The following GPD2 variants were observed in gnomAD, a reference collection of about 807,000 sequenced individuals.
GPD2 encodes the protein glycerol-3-phosphate dehydrogenase 2.
In GPD2, 54 loss-of-function variants were observed where a neutral mutation model predicts 82.4. That is an observed-to-expected ratio of 0.66 (90% confidence interval 0.53 to 0.82). The LOEUF (loss-of-function observed/expected upper bound fraction) is 0.82, where lower values mean the gene tolerates loss of function less well. Among genes scored for constraint, GPD2 ranks in the 40% least tolerant of loss-of-function variants. The probability of loss-of-function intolerance (pLI) is 0.00; values close to 1 mark genes in which losing one functional copy is unlikely to be tolerated. For synonymous variants in GPD2, 288 were observed against 306.1 expected (o/e 0.94, Z 0.62); for missense variants, 748 against 896.2 (o/e 0.83, Z 2.11).
the GPD2 span, among the ~76,000 whole-genome samples, chr2:156,413,381 A>C: frequency 6.6e-6 from 1 of 152,002 alleles, no homozygotes; most frequent in Admixed American, 6.6e-5. Flanking sequence ...CAGGAGTTTG[A>C]GACCAGCCTG....
Position 156,549,668 on chromosome 2 carries a change from C to T in GPD2, c.722C>T (p.Ala241Val). 1 of 1,613,640 alleles carries T rather than the reference C, an allele frequency of 6.2e-7. No individual in the cohort carries two copies. Among genetic ancestry groups the T allele is most frequent in the Non-Finnish European group, 8.5e-7 (1 of 1,179,510 alleles). ...AIALTAARYGAATANYMEVVS... is the reference protein window; with the variant it reads ...AIALTAARYGVATANYMEVVS... ...GCTCTGACTGCTGCCAGGTATGGGG[C>T]TGCCACAGCCAATTACATGGAGGTA... Residue 241 changes from alanine (A) to valine (V), a missense_variant, in exon 7 of 17, where the codon GCT (alanine) becomes GTT (valine). Coordinates refer to ENST00000438166, the MANE Select transcript of GPD2 (RefSeq NM_000408.5).
Position 156,533,098 on chromosome 2 carries a change from C to T in GPD2, c.662-16510C>T, listed in dbSNP as rs1412543186. 2.0e-5 allele frequency among the ~76,000 whole-genome samples: 3 copies of T among 152,184 alleles called. No homozygotes were observed. In the East Asian group the frequency reaches 5.8e-4, roughly 29 times the overall value. ...AGTTTCCTAAGGCTGAAGGAAGCAG[C>T]AGTCACTGAGTGCAGAATGTTTCTC... On this transcript the variant is annotated intron_variant, in intron 6 of 16. Coordinates refer to ENST00000438166, the MANE Select transcript of GPD2 (RefSeq NM_000408.5).
chr2:156,557,391 C>G lies in GPD2; in HGVS notation c.974C>G (p.Pro325Arg), dbSNP rs1442754946. ...AATAATCCTTCTTTGTATCTCAGCCCAGAGAGCATGGGACTTCTTGACCCA... is the reference window on the plus strand; with the variant it reads ...AATAATCCTTCTTTGTATCTCAGCCGAGAGAGCATGGGACTTCTTGACCCA... ...VHIVMPGYYSPESMGLLDPAT... is the reference protein window; with the variant it reads ...VHIVMPGYYSRESMGLLDPAT... Residue 325 changes from proline to arginine, a missense_variant and splice_region_variant, in exon 9 of 17, where the codon CCA becomes CGA. Pro to Arg is a moderately radical substitution (Grantham distance 103). Around this residue, in one of 3 missense-constraint regions of GPD2, gnomAD observed 692 missense variants for 809.7 expected, o/e 0.85. Coordinates refer to ENST00000438166, the MANE Select transcript of GPD2 (RefSeq NM_000408.5). 1 of 1,584,866 alleles carries G rather than the reference C, an allele frequency of 6.3e-7. No homozygotes were observed. The highest frequency in any genetic ancestry group is 8.7e-7 in the Non-Finnish European group (1 of 1,153,988).
At chr2:156,474,322 T>G (rs1190877919) in intron 1 of GPD2, among the ~76,000 whole-genome samples, 2 of 152,216 alleles carry the variant, frequency 1.3e-5, no homozygotes, top group Non-Finnish European at 2.9e-5. Context: ...TAGGATAGTA[T>G]GATAATAGAT....
intron 6 of GPD2, 59 bp from the exon 7 acceptor site, chr2:156,549,549 C>T (rs1686672360): frequency 2.8e-6 from 4 of 1,433,938 alleles, no homozygotes; most frequent in Admixed American, 1.7e-5. Flanking sequence ...CACTTTTGTA[C>T]CACCAGTCTG....
chr2:156,449,647 GAGTT>G lies in GPD2; in HGVS notation c.-9+13142_-9+13145del, dbSNP rs373685401. ...CAAGTAAACAGAATATGGGAAGTGGGAGTTAGTTAGTCTGTTTTGGTTGCCCAAC... is the reference window on the plus strand; with the variant it reads ...CAAGTAAACAGAATATGGGAAGTGGGAGTTAGTCTGTTTTGGTTGCCCAAC... On this transcript the variant is annotated intron_variant, in intron 1 of 16. Coordinates refer to ENST00000438166, the MANE Select transcript of GPD2 (RefSeq NM_000408.5). 3.9e-3 allele frequency among the ~76,000 whole-genome samples: 588 copies of G among 152,152 alleles called. 3 individuals carry two copies. The highest frequency in any genetic ancestry group is 0.015 in the South Asian group (72 of 4,818).
chr2:156,404,830 G>A, the GPD2 span, among the ~76,000 whole-genome samples: 1 of 151,062 alleles, frequency 6.6e-6, no homozygotes, highest in African/African-American at 2.4e-5. Flanking sequence ...CTCCAGCCTA[G>A]GGAACAGAGT....
At chr2:156,529,809 C>G (rs376492999) in intron 6 of GPD2, among the ~76,000 whole-genome samples, 270 of 151,464 alleles carry the variant, frequency 1.8e-3, no homozygotes, top group East Asian at 0.012. Context: ...TCTCTGTTTT[C>G]GTACCAGTAC....
At chr2:156,543,660 T>C (rs1304070107) in intron 6 of GPD2, among the ~76,000 whole-genome samples, 1 of 152,180 alleles carries the variant, frequency 6.6e-6, no homozygotes, top group East Asian at 1.9e-4. Flanking sequence ...GGATTAAAAG[T>C]TGAGTTTACC....
intron 1 of GPD2, among the ~76,000 whole-genome samples, chr2:156,443,008 C>G (rs1362960615): frequency 2.6e-5 from 4 of 152,084 alleles, no homozygotes; most frequent in Non-Finnish European, 4.4e-5. Flanking sequence ...CTGTCCTTAT[C>G]TTCTCTATGA....
Position 156,541,824 on chromosome 2 carries a change from G to GTTTTTTTTTT in GPD2, c.662-7771_662-7762dup, listed in dbSNP as rs61067726. Among the ~76,000 whole-genome samples, 271 of 81,352 alleles carry GTTTTTTTTTT rather than the reference G, an allele frequency of 3.3e-3. 6 individuals carry two copies. Among genetic ancestry groups the GTTTTTTTTTT allele is most frequent in the Middle Eastern group, 0.014 (1 of 70 alleles). The allele number at this position is 81,352 out of a possible 152,430, so 53.4% of individuals were successfully genotyped here. On this transcript the variant is annotated intron_variant, in intron 6 of 16. Coordinates refer to ENST00000438166, the MANE Select transcript of GPD2 (RefSeq NM_000408.5). The stretch of plus-strand genomic sequence containing the variant: ...TCCTTAAACGTATAAAATGCTGTTT[G>GTTTTTTTTTT]TTTTTTTTTTTTTTTTTTTTTTGGC...
intron 1 of GPD2, among the ~76,000 whole-genome samples, chr2:156,475,252 G>T (rs1014089731): frequency 6.6e-6 from 1 of 152,170 alleles, no homozygotes; most frequent in African/African-American, 2.4e-5. Flanking sequence ...TTCCCCTAAT[G>T]AAAGGAATTA....
intron 1 of GPD2, among the ~76,000 whole-genome samples, chr2:156,442,590 A>G (rs894993184): frequency 6.6e-6 from 1 of 152,166 alleles, no homozygotes; most frequent in African/African-American, 2.4e-5. Context: ...TAGGAGGATC[A>G]CTTGAGCCCA....
intron 6 of GPD2, among the ~76,000 whole-genome samples, chr2:156,548,600 G>A (rs1686638216): frequency 6.6e-6 from 1 of 152,162 alleles, no homozygotes; most frequent in African/African-American, 2.4e-5. Context: ...TGCTAGCCCT[G>A]CACAGACTGA....
At chr2:156,499,019 G>A (rs1394893837) in intron 3 of GPD2, among the ~76,000 whole-genome samples, 2 of 152,100 alleles carry the variant, frequency 1.3e-5, no homozygotes, top group Non-Finnish European at 2.9e-5. Flanking sequence ...AGATATCAGA[G>A]ATGTATCTTG....
At chr2:156,409,148 A>C in the GPD2 span, among the ~76,000 whole-genome samples, 3 of 152,214 alleles carry the variant, frequency 2.0e-5, no homozygotes, top group Non-Finnish European at 2.9e-5. Context: ...TTCTGCCAAC[A>C]CCTTGATCTT....
chr2:156,414,579 A>G, the GPD2 span, among the ~76,000 whole-genome samples: 1 of 152,202 alleles, frequency 6.6e-6, no homozygotes, highest in Non-Finnish European at 1.5e-5. Flanking sequence ...TGTGAACCAA[A>G]TAATCTAAGT....
At chr2:156,514,705 G>A (rs982869890) in intron 6 of GPD2, among the ~76,000 whole-genome samples, 1 of 152,044 alleles carries the variant, frequency 6.6e-6, no homozygotes, top group African/African-American at 2.4e-5. Flanking sequence ...AATGTTAAGG[G>A]TCTTAGGTAA....
intron 6 of GPD2, among the ~76,000 whole-genome samples, chr2:156,524,786 G>C (rs1036172328): frequency 1.3e-5 from 2 of 152,118 alleles, no homozygotes; most frequent in Non-Finnish European, 2.9e-5. Context: ...GGACATATTT[G>C]GTGACTAGCA....
Sources: allele counts gnomAD v4.1 joint callset (sites outside exome capture counted in the v4.1 genomes callset), GRCh38; gene constraint gnomAD v4.1.1; regional missense constraint gnomAD v4.1.1; transcripts MANE v1.5; gene names NCBI Gene and HGNC (gene_info 2026-07-23, HGNC 2026-07-21).